PTGFRN: variants seen among roughly 807,000 people sequenced by gnomAD.
PTGFRN encodes the protein prostaglandin F2 receptor inhibitor.
A neutral mutation model predicts 83.2 loss-of-function variants in PTGFRN; 35 were observed. The ratio of observed to expected loss-of-function variants is 0.42; its 90% CI spans 0.32 to 0.56. PTGFRN has a LOEUF of 0.56. PTGFRN is among the 20% of genes least tolerant of loss of function. PTGFRN has a pLI of 0.11. For missense variants in PTGFRN, 1,051 were observed against 1,179.5 expected, an observed-to-expected ratio of 0.89 and a Z score of 1.60; for synonymous variants, 519 against 498.6, an observed-to-expected ratio of 1.04 and a Z score of -0.55.
At chr1:116,974,059 G>C (rs1168511329) in intron 6 of PTGFRN, among the ~76,000 whole-genome samples, 157 bp from the exon 7 acceptor site, 1 of 152,200 alleles carries the variant, frequency 6.6e-6, no homozygotes, top group Non-Finnish European at 1.5e-5. Flanking sequence ...ATGTCTCTCT[G>C]AATAGAAGAG....
chr1:116,935,930 T>C (rs1168891998), intron 1 of PTGFRN, among the ~76,000 whole-genome samples: 1 of 152,234 alleles, frequency 6.6e-6, no homozygotes, highest in Non-Finnish European at 1.5e-5. Flanking sequence ...AGGTTTCTTA[T>C]ATTGACTCCT....
chr1:116,922,663 T>C (rs752504394), intron 1 of PTGFRN, among the ~76,000 whole-genome samples: 1 of 152,218 alleles, frequency 6.6e-6, no homozygotes, highest in Non-Finnish European at 1.5e-5. Context: ...GTAGTTATCA[T>C]GCAGCAGGAT....
rs1650375726 is a variant in PTGFRN at position 116,952,456 on chromosome 1, T to A, written c.1213+2884T>A. 6.6e-6 allele frequency among the ~76,000 whole-genome samples: 1 copy of A among 152,140 alleles called. No homozygotes were observed. On this transcript the variant is annotated intron_variant, in intron 4 of 8. Transcript: ENST00000393203. This position sits in a 1 kb window ranked among gnomAD's most constrained non-coding sequence, Gnocchi z 4.0. ...CTTTTACTTAGAATGTATGTCCTAC[T>A]TTAAAGGGAAAGAAAAAAAAGATTT...
chr1:116,953,938 C>T (rs1395456937), intron 4 of PTGFRN, among the ~76,000 whole-genome samples: 12 of 151,362 alleles, frequency 7.9e-5, no homozygotes, highest in African/African-American at 2.7e-4. Flanking sequence ...CTGCAACCTC[C>T]GCCTCCCAGA....
chr1:116,928,816 CTCTG>C (rs1431373208), intron 1 of PTGFRN, among the ~76,000 whole-genome samples: 2 of 152,186 alleles, frequency 1.3e-5, no homozygotes, highest in Non-Finnish European at 2.9e-5. Flanking sequence ...TACTCCTTTT[CTCTG>C]TCTAACCTGA....
intron 7 of PTGFRN, among the ~76,000 whole-genome samples, chr1:116,975,923 C>G (rs945414603): frequency 3.3e-5 from 5 of 152,156 alleles, no homozygotes; most frequent in Non-Finnish European, 7.4e-5. Context: ...TCAAACTTCT[C>G]TGAGCTAAAG....
At chr1:116,927,893 G>A (rs1165238125) in intron 1 of PTGFRN, among the ~76,000 whole-genome samples, 1 of 152,174 alleles carries the variant, frequency 6.6e-6, no homozygotes, top group African/African-American at 2.4e-5. Flanking sequence ...TGTCAGTACT[G>A]ATGAAATGCA....
chr1:116,935,460 T>C (rs2101059772), intron 1 of PTGFRN, among the ~76,000 whole-genome samples: 2 of 152,252 alleles, frequency 1.3e-5, no homozygotes, highest in Middle Eastern at 6.8e-3. Context: ...TATCTATCTT[T>C]TATGGTTTCT....
intron 1 of PTGFRN, among the ~76,000 whole-genome samples, chr1:116,938,251 A>G (rs1272591165): frequency 6.6e-6 from 1 of 152,184 alleles, no homozygotes; most frequent in Non-Finnish European, 1.5e-5. Flanking sequence ...CTATAATGCT[A>G]TAATCCCAGC....
intron 7 of PTGFRN, among the ~76,000 whole-genome samples, chr1:116,979,787 G>A (rs10801921): frequency 0.36 from 53,918 of 151,332 alleles, 10,176 homozygotes; most frequent in African/African-American, 0.51. Flanking sequence ...AACCTAGGCA[G>A]TACCATTCAG....
At chr1:116,910,332 G>T in intron 1 of PTGFRN, 80 bp downstream of exon 1, 2 of 1,188,588 alleles carry the variant, frequency 1.7e-6, no homozygotes, top group Non-Finnish European at 2.1e-6. Context: ...GCTGCAGCGC[G>T]CGGCCTGGGG....
At chr1:116,976,957 G>A (rs553325401) in intron 7 of PTGFRN, among the ~76,000 whole-genome samples, 1 of 152,292 alleles carries the variant, frequency 6.6e-6, no homozygotes, top group South Asian at 2.1e-4. Flanking sequence ...AGACCCATCA[G>A]TGTGCTATAT....
At chr1:116,949,601 C>T in intron 4 of PTGFRN, 29 bp downstream of exon 4, 2 of 1,590,770 alleles carry the variant, frequency 1.3e-6, no homozygotes, top group Non-Finnish European at 1.7e-6. Context: ...GACTCTTAAC[C>T]TCTTCAGCTT....
At chr1:116,910,707 C>T (rs760126942) in intron 1 of PTGFRN, among the ~76,000 whole-genome samples, 5 of 152,180 alleles carry the variant, frequency 3.3e-5, no homozygotes, top group Admixed American at 3.3e-4. Flanking sequence ...CTTCACCCAA[C>T]CCGCGCGGAG....
intron 1 of PTGFRN, among the ~76,000 whole-genome samples, chr1:116,922,786 A>G (rs1433214665): frequency 6.6e-6 from 1 of 152,244 alleles, no homozygotes; most frequent in African/African-American, 2.4e-5. Context: ...AACTGAGCAC[A>G]TAATCAAGTG....
chr1:116,958,026 C>T lies in PTGFRN; in HGVS notation c.1214-3217C>T, dbSNP rs762863957. 2.0e-5 allele frequency among the ~76,000 whole-genome samples: 3 copies of T among 151,956 alleles called. No individual in the cohort carries two copies. The highest frequency in any genetic ancestry group is 4.4e-5 in the Non-Finnish European group (3 of 68,032). On this transcript the variant is annotated intron_variant, in intron 4 of 8. Coordinates refer to ENST00000393203, the MANE Select transcript of PTGFRN (RefSeq NM_020440.4). The surrounding 1 kb of genome is among the most constrained non-coding windows in gnomAD (Gnocchi z 4.9). ...TTTAATCCATTCATCTGTTGATGGACACGGGTTGATTCCATATCTTGGCCC... is the reference window on the plus strand; with the variant it reads ...TTTAATCCATTCATCTGTTGATGGATACGGGTTGATTCCATATCTTGGCCC...
chr1:116,987,065 C>G lies in PTGFRN; in HGVS notation c.*98C>G. 7.1e-7 allele frequency: 1 copy of G among 1,418,028 alleles called. No homozygotes were observed. Among genetic ancestry groups the G allele is most frequent in the South Asian group, 1.3e-5 (1 of 78,330 alleles). 87.8% of individuals were successfully genotyped at this position (1,418,028 alleles called of 1,614,324 possible). Reference sequence around the variant, plus strand: ...AAAACAAAGTGTGTTACACTAAAAACCAGTCCTCTCTAATCTCAGGTGGGA... The same window carrying G: ...AAAACAAAGTGTGTTACACTAAAAAGCAGTCCTCTCTAATCTCAGGTGGGA... On this transcript the variant is annotated 3_prime_UTR_variant, in exon 9 of 9. Transcript: ENST00000393203.
intron 1 of PTGFRN, among the ~76,000 whole-genome samples, chr1:116,910,625 G>A (rs921515463): frequency 5.3e-5 from 8 of 152,004 alleles, no homozygotes; most frequent in African/African-American, 1.9e-4. Context: ...GTCCCGGCCC[G>A]GGTCCTCGGC....
Position 116,944,836 on chromosome 1 carries a change from C to G in PTGFRN, c.576C>G (p.Ala192=). 1 of 1,587,706 alleles carries G rather than the reference C, an allele frequency of 6.3e-7. No individual in the cohort carries two copies. The highest frequency in any genetic ancestry group is 8.5e-7 in the Non-Finnish European group (1 of 1,169,652). ...TGTGGGAGGTGCACCGCGGCCCGGC[C>G]AGGCGGAGCGTCCTCGCCCTGACCC... is the stretch of plus-strand genomic sequence containing the variant. ...ALLWEVHRGP[A]RRSVLALTHE... is the part of the protein sequence containing the mutation. Residue 192 remains alanine, a synonymous_variant, in exon 3 of 9, where the codon GCC becomes GCG. Transcript: ENST00000393203.
Sources: gnomAD v4.1 joint callset for allele counts (sites outside exome capture counted in the v4.1 genomes callset) on GRCh38, gnomAD v4.1.1 for gene constraint, Gnocchi (gnomAD v3.1) non-coding constraint, MANE v1.5 for transcripts, NCBI Gene and HGNC (gene_info 2026-07-23, HGNC 2026-07-21) for gene names.